BCAS3: variants seen among roughly 807,000 people sequenced by gnomAD.
BCAS3 encodes BCAS4/BCAS3 fusion.
BCAS3 carries 53 observed loss-of-function variants against 116.1 expected under a neutral mutation model. The observed-to-expected ratio is 0.46, with a 90% CI of 0.37 to 0.57. The LOEUF is 0.57. Ranked by LOEUF, BCAS3 falls within the 20% of genes least tolerant of loss-of-function variation. The probability of loss-of-function intolerance (pLI) is 0.00; values close to 1 mark genes in which losing one functional copy is unlikely to be tolerated. For missense variants in BCAS3, 917 were observed against 1,165.4 expected, an observed-to-expected ratio of 0.79 and a Z score of 3.10; for synonymous variants, 391 against 408.2, an observed-to-expected ratio of 0.96 and a Z score of 0.51.
intron 22 of BCAS3, among the ~76,000 whole-genome samples, chr17:61,234,062 G>A (rs2082851248): frequency 6.6e-6 from 1 of 151,968 alleles, no homozygotes; most frequent in African/African-American, 2.4e-5. Context: ...CTAGTAGAGG[G>A]TGCCATTCAT....
chr17:61,192,441 G>A (rs1008705951), intron 22 of BCAS3, among the ~76,000 whole-genome samples: 4 of 151,984 alleles, frequency 2.6e-5, no homozygotes, highest in African/African-American at 7.2e-5. Flanking sequence ...ATCTATGTAC[G>A]TTGTAGTGTA....
At position 61,391,064 on chromosome 17, in the gene BCAS3, C is replaced by T. The variant is rs546624080; in HGVS notation, c.2594-913C>T. On this transcript the variant is annotated intron_variant, in intron 23 of 23. Transcript: ENST00000407086. The surrounding 1 kb of genome is among the most constrained non-coding windows in gnomAD (Gnocchi z 7.7). ...AAGAAGTAATTGGTTCTTCCTTGCA[C>T]TCAGCAAGCAGGGAATTCCATTCCC... 2 of 152,422 alleles carry T rather than the reference C, an allele frequency of 1.3e-5. No homozygotes were observed. The highest frequency in any genetic ancestry group is 2.1e-4 in the South Asian group (1 of 4,832). 9.4% of individuals were successfully genotyped at this position (152,422 alleles called of 1,614,324 possible).
At chr17:61,318,039 T>C (rs2144805173) in intron 22 of BCAS3, among the ~76,000 whole-genome samples, 1 of 152,362 alleles carries the variant, frequency 6.6e-6, no homozygotes, top group South Asian at 2.1e-4. Flanking sequence ...GGGTTTGTGC[T>C]GCAGGTGTCC....
At chr17:60,723,095 T>C (rs1250227083) in intron 5 of BCAS3, among the ~76,000 whole-genome samples, 6 of 152,200 alleles carry the variant, frequency 3.9e-5, no homozygotes, top group African/African-American at 1.4e-4. Flanking sequence ...CCAGAAAATT[T>C]TATAATGTAT....
intron 22 of BCAS3, among the ~76,000 whole-genome samples, chr17:61,273,678 G>A (rs957266390): frequency 5.4e-5 from 8 of 148,850 alleles, no homozygotes; most frequent in South Asian, 2.1e-4. Context: ...CTAAGACTCC[G>A]GTTTCATGTA....
chr17:60,728,228 T>TG (rs2040110719), intron 5 of BCAS3, among the ~76,000 whole-genome samples: 2 of 152,186 alleles, frequency 1.3e-5, no homozygotes, highest in Non-Finnish European at 2.9e-5. Flanking sequence ...CTCTATCTAT[T>TG]CATCCCTCCA....
intron 6 of BCAS3, among the ~76,000 whole-genome samples, chr17:60,752,582 C>T (rs2042584658): frequency 6.6e-6 from 1 of 151,982 alleles, no homozygotes; most frequent in South Asian, 2.1e-4. Context: ...CTCCACCATG[C>T]CTGGCTAATT....
chr17:60,937,354 C>A (rs561022912), intron 13 of BCAS3, among the ~76,000 whole-genome samples: 4 of 151,718 alleles, frequency 2.6e-5, no homozygotes, highest in African/African-American at 9.7e-5. Flanking sequence ...GTCTGTTAAA[C>A]ATCTTGCATT....
At position 61,325,762 on chromosome 17, in the gene BCAS3, A is replaced by G. The variant is rs1279171802; in HGVS notation, c.2426-42565A>G. ...AACTCCACAAAGCAGGGGCTTTTTT[A>G]GGGAGGTGTTTTTGAAATGAGTGTC... On this transcript the variant is annotated intron_variant, in intron 22 of 23. Transcript: ENST00000407086. This position sits in a 1 kb window ranked among gnomAD's most constrained non-coding sequence, Gnocchi z 6.4. 6.6e-6 allele frequency among the ~76,000 whole-genome samples: 1 copy of G among 152,064 alleles called. No homozygotes were observed. Among genetic ancestry groups the G allele is most frequent in the African/African-American group, 2.4e-5 (1 of 41,410 alleles).
intron 5 of BCAS3, among the ~76,000 whole-genome samples, chr17:60,729,745 C>T (rs1458083621): frequency 6.6e-6 from 1 of 152,062 alleles, no homozygotes; most frequent in Non-Finnish European, 1.5e-5. Flanking sequence ...GGCGATGAAC[C>T]AAAATTGGTT....
At chr17:60,963,695 A>G (rs1031605166) in intron 14 of BCAS3, among the ~76,000 whole-genome samples, 1 of 151,758 alleles carries the variant, frequency 6.6e-6, no homozygotes, top group Non-Finnish European at 1.5e-5. Context: ...AGCTGGGACC[A>G]CAGGCGCCTG....
chr17:60,747,997 T>G (rs2042148636), intron 6 of BCAS3, among the ~76,000 whole-genome samples: 2 of 152,136 alleles, frequency 1.3e-5, no homozygotes, highest in South Asian at 4.1e-4. Flanking sequence ...CTCATTACCT[T>G]TCCTGTGTTC....
intron 6 of BCAS3, among the ~76,000 whole-genome samples, chr17:60,752,116 AT>A (rs763669035): frequency 6.7e-6 from 1 of 150,314 alleles, no homozygotes; most frequent in Non-Finnish European, 1.5e-5. Context: ...CCCAGGACTG[AT>A]TCAGTTTGTT....
rs149521577 is a variant in BCAS3 at position 61,187,647 on chromosome 17, C to T, written c.2425+103083C>T. ...CTTTGCTCATTGGCAGTATAAAGGG[C>T]GTGTCACTTGTCATTAGCAGTAACA... is the stretch of plus-strand genomic sequence containing the variant. On this transcript the variant is annotated intron_variant, in intron 22 of 23. Transcript: ENST00000407086. 1.6e-3 allele frequency among the ~76,000 whole-genome samples: 249 copies of T among 152,178 alleles called. 1 individual carries two copies. The highest frequency in any genetic ancestry group is 2.5e-3 in the Non-Finnish European group (171 of 68,018).
At chr17:60,759,709 G>C (rs1166652313) in intron 6 of BCAS3, among the ~76,000 whole-genome samples, 1 of 151,522 alleles carries the variant, frequency 6.6e-6, no homozygotes, top group African/African-American at 2.4e-5. Flanking sequence ...GTGTCACCTG[G>C]GCTGAAGTGC....
chr17:60,814,290 T>TGC (rs1484417625), intron 7 of BCAS3, among the ~76,000 whole-genome samples: 5 of 128,124 alleles, frequency 3.9e-5, no homozygotes, highest in Non-Finnish European at 7.6e-5. Context: ...TGTGTGTGTG[T>TGC]GTGTGTGTGT....
At chr17:60,851,586 G>C in intron 7 of BCAS3, 1 of 631,584 alleles carries the variant, frequency 1.6e-6, no homozygotes, top group Non-Finnish European at 2.9e-6. Flanking sequence ...TTGGGTTAAA[G>C]CTTGAAACGA....
chr17:60,706,470 CTTTAT>C (rs143814705), intron 4 of BCAS3, among the ~76,000 whole-genome samples: 10,589 of 152,044 alleles, frequency 0.07, 1,214 homozygotes, highest in African/African-American at 0.24. Context: ...TGTTAATTGA[CTTTAT>C]TTTAACAGTA....
At chr17:60,749,287 C>T (rs1048011483) in intron 6 of BCAS3, among the ~76,000 whole-genome samples, 1 of 152,150 alleles carries the variant, frequency 6.6e-6, no homozygotes, top group African/African-American at 2.4e-5. Flanking sequence ...TTCAGAATTT[C>T]GAAGGCATTG....
Sources: gnomAD v4.1 joint callset for allele counts (sites outside exome capture counted in the v4.1 genomes callset) on GRCh38, gnomAD v4.1.1 for gene constraint, Gnocchi (gnomAD v3.1) non-coding constraint, MANE v1.5 for transcripts, NCBI Gene and HGNC (gene_info 2026-07-23, HGNC 2026-07-21) for gene names.